DTL: variants seen among roughly 807,000 people sequenced by gnomAD.
The protein encoded by DTL is denticleless E3 ubiquitin protein ligase adapter.
Under a neutral mutation model 87.0 loss-of-function variants are expected in DTL, and 46 were observed. The ratio of observed to expected loss-of-function variants is 0.53; its 90% CI spans 0.42 to 0.68. DTL has a LOEUF of 0.68. Ranked by LOEUF, DTL falls within the 30% of genes least tolerant of loss-of-function variation. The pLI, the probability that DTL is intolerant of heterozygous loss-of-function variation, is 0.00. For missense variants in DTL, 737 were observed against 869.4 expected, an observed-to-expected ratio of 0.85 and a Z score of 1.91; for synonymous variants, 308 against 311.2, an observed-to-expected ratio of 0.99 and a Z score of 0.11.
intron 2 of DTL, among the ~76,000 whole-genome samples, 192 bp from the exon 3 acceptor site, chr1:212,044,468 G>A (rs902778904): frequency 6.6e-6 from 1 of 152,128 alleles, no homozygotes; most frequent in Non-Finnish European, 1.5e-5. Flanking sequence ...GCTGGGCGTG[G>A]TGGCGCATGC....
At chr1:212,050,241 G>A (rs1014409667) in intron 5 of DTL, among the ~76,000 whole-genome samples, 2 of 152,110 alleles carry the variant, frequency 1.3e-5, no homozygotes, top group Admixed American at 1.3e-4. Flanking sequence ...TTAGTGTTTT[G>A]TGGGGGTTTT....
At chr1:212,053,126 C>T (rs1253358029) in intron 5 of DTL, among the ~76,000 whole-genome samples, 1 of 152,116 alleles carries the variant, frequency 6.6e-6, no homozygotes, top group African/African-American at 2.4e-5. Flanking sequence ...ATGTTCAGTT[C>T]TATTTTTCTC....
chr1:212,100,466 G>A lies in DTL; in HGVS notation c.1476G>A (p.Lys492=). 2 of 1,613,926 alleles carry A rather than the reference G, an allele frequency of 1.2e-6. No homozygotes were observed. The highest frequency in any genetic ancestry group is 1.7e-6 in the Non-Finnish European group (2 of 1,179,994). The change falls in exon 14 of 15, where the codon AAG becomes AAA. Residue 492 remains lysine, a synonymous_variant. Transcript: ENST00000366991. ...GCTCTGTCTCCTCCGTCTCTCCCAA[G>A]CCACCTTCATCTTTCAAGATGTCGA... ...RRGSVSSVSP[K]PPSSFKMSIR...
chr1:212,083,799 T>A (rs748221873), intron 13 of DTL, among the ~76,000 whole-genome samples: 5 of 151,932 alleles, frequency 3.3e-5, no homozygotes, highest in Non-Finnish European at 5.9e-5. Flanking sequence ...TTAGATGTGC[T>A]GTATACTTGT....
At position 212,102,946 on chromosome 1, in the gene DTL, A is replaced by C; in HGVS notation, c.*6A>C. 1 of 1,524,942 alleles carries C rather than the reference A, an allele frequency of 6.6e-7. No homozygotes were observed. Among genetic ancestry groups the C allele is most frequent in the Non-Finnish European group, 9.1e-7 (1 of 1,103,934 alleles). 94.5% of individuals were successfully genotyped at this position (1,524,942 alleles called of 1,614,324 possible). ...AACACTCAACAGAATTATAGATTCTAATCTGAGTGAGTTACTGAGCTTTGG... is the reference window on the plus strand; with the variant it reads ...AACACTCAACAGAATTATAGATTCTCATCTGAGTGAGTTACTGAGCTTTGG... On this transcript the variant is annotated 3_prime_UTR_variant, in exon 15 of 15. Transcript: ENST00000366991.
At chr1:212,068,759 G>T in intron 10 of DTL, 56 bp downstream of exon 10, 1 of 1,150,428 alleles carries the variant, frequency 8.7e-7, no homozygotes. Context: ...GGCTTTTTTT[G>T]GTAATGATAA....
intron 13 of DTL, among the ~76,000 whole-genome samples, chr1:212,083,100 A>G (rs113786992): frequency 1.1e-3 from 161 of 152,314 alleles, no homozygotes; most frequent in African/African-American, 3.8e-3. Flanking sequence ...AGACTTGGCA[A>G]TTTACAAAAG....
chr1:212,079,771 G>A (rs1338503638), intron 12 of DTL, among the ~76,000 whole-genome samples: 1 of 152,204 alleles, frequency 6.6e-6, no homozygotes, highest in Non-Finnish European at 1.5e-5. Context: ...ATATTGAACA[G>A]TTAAATATGT....
intron 13 of DTL, among the ~76,000 whole-genome samples, chr1:212,084,251 G>A (rs1655067283): frequency 6.7e-6 from 1 of 149,516 alleles, no homozygotes; most frequent in African/African-American, 2.5e-5. Flanking sequence ...CGCTGAGCCT[G>A]GAGTGCAGTG....
In DTL at chr1:212,100,559, G is replaced by A; in HGVS notation, c.1569G>A (p.Lys523=). 1 of 1,614,026 alleles carries A rather than the reference G, an allele frequency of 6.2e-7. No homozygotes were observed. The highest frequency in any genetic ancestry group is 8.5e-7 in the Non-Finnish European group (1 of 1,180,014). The part of the protein sequence containing the change: ...PPITPPASET[K]IMSPRKALIP... ...TCACTCCACCTGCTTCGGAGACCAA[G>A]ATCATGTCTCCGAGAAAAGCCCTTA... The change falls in exon 14 of 15, where the codon AAG becomes AAA. Residue 523 remains lysine (K), a synonymous_variant. Transcript: ENST00000366991.
At chr1:212,091,728 A>C (rs2102579227) in intron 13 of DTL, among the ~76,000 whole-genome samples, 1 of 152,346 alleles carries the variant, frequency 6.6e-6, no homozygotes, top group Admixed American at 6.5e-5. Context: ...GTGGAATCTT[A>C]AAAAGTTGAA....
chr1:212,060,342 T>C (rs1377148524), intron 5 of DTL, among the ~76,000 whole-genome samples: 1 of 152,052 alleles, frequency 6.6e-6, no homozygotes, highest in Non-Finnish European at 1.5e-5. Context: ...GCCAATTGAT[T>C]TTCAATAAAG....
chr1:212,067,211 C>T (rs1298626041), intron 8 of DTL, among the ~76,000 whole-genome samples: 3 of 152,182 alleles, frequency 2.0e-5, no homozygotes, highest in African/African-American at 4.8e-5. Flanking sequence ...CACTAATTCT[C>T]ATTTTGAAGA....
intron 3 of DTL, among the ~76,000 whole-genome samples, chr1:212,045,085 G>A (rs1412368403): frequency 6.6e-6 from 1 of 152,144 alleles, no homozygotes; most frequent in East Asian, 1.9e-4. Context: ...AATAGAGTGA[G>A]AACTCACTCA....
chr1:212,085,571 A>G (rs1052625440), intron 13 of DTL, among the ~76,000 whole-genome samples: 8 of 152,172 alleles, frequency 5.3e-5, no homozygotes, highest in African/African-American at 1.9e-4. Context: ...AATGATTTGC[A>G]ATGATTTATT....
intron 5 of DTL, among the ~76,000 whole-genome samples, chr1:212,057,809 C>T (rs1668224745): frequency 6.6e-6 from 1 of 152,022 alleles, no homozygotes; most frequent in Admixed American, 6.6e-5. Flanking sequence ...ACAAATGTGA[C>T]CTAATTATAT....
At chr1:212,064,873 A>T (rs766139696) in intron 6 of DTL, 44 bp from the exon 7 acceptor site, 3 of 1,462,768 alleles carry the variant, frequency 2.1e-6, no homozygotes, top group Non-Finnish European at 2.9e-6. Flanking sequence ...TATATTCAGC[A>T]TGTAAGAATC....
In DTL at chr1:212,044,630, T is replaced by TTC. The variant is rs397712691; in HGVS notation, c.179-30_179-29insTC. 68 of 1,243,388 alleles carry TTC rather than the reference T, an allele frequency of 5.5e-5. No individual in the cohort carries two copies. The South Asian group carries it at 8.4e-4, about 15-fold the overall frequency. 77.0% of individuals were successfully genotyped at this position (1,243,388 alleles called of 1,614,324 possible). ...AAAAAAAAAAAAAATTGTGTTACTC[T>TTC]ATATATTTTTTTCTTTATTTCTGCT... On this transcript the variant is annotated intron_variant, in intron 2 of 14. Coordinates refer to ENST00000366991, the MANE Select transcript of DTL (RefSeq NM_016448.4).
At chr1:212,098,773 T>C (rs965242966) in intron 13 of DTL, among the ~76,000 whole-genome samples, 1 of 152,064 alleles carries the variant, frequency 6.6e-6, no homozygotes, top group South Asian at 2.1e-4. Context: ...ACCAAATTTA[T>C]ATCCATGCCT....
Sources: allele counts gnomAD v4.1 joint callset (sites outside exome capture counted in the v4.1 genomes callset), GRCh38; gene constraint gnomAD v4.1.1; transcripts MANE v1.5; gene names NCBI Gene and HGNC (gene_info 2026-07-23, HGNC 2026-07-21).